Variants in MYH11 observed in about 807,000 individuals in gnomAD.
MYH11 encodes the protein myosin heavy chain 11.
A neutral mutation model predicts 246.6 loss-of-function variants in MYH11; 80 were observed. The ratio of observed to expected loss-of-function variants is 0.32; its 90% CI spans 0.27 to 0.39. The LOEUF is 0.39. MYH11 is among the 10% of genes least tolerant of loss of function. The pLI is 1.00. For synonymous variants in MYH11, 1,071 were observed against 1,015.5 expected (o/e 1.05, Z -1.04); for missense variants, 2,158 against 2,546.8 (o/e 0.85, Z 3.29).
chr16:15,824,361 T>A (rs180712996), intron 2 of MYH11, among the ~76,000 whole-genome samples: 5 of 152,174 alleles, frequency 3.3e-5, no homozygotes, highest in Non-Finnish European at 7.4e-5. Flanking sequence ...CACTACAACC[T>A]TGAGTTTCTG....
At chr16:15,736,199 C>T (rs770500404) in intron 25 of MYH11, among the ~76,000 whole-genome samples, 2 of 152,184 alleles carry the variant, frequency 1.3e-5, no homozygotes, top group African/African-American at 2.4e-5. Flanking sequence ...GGTGAGACTG[C>T]AGAGGGTGGA....
At chr16:15,765,851 A>C (rs946356676) in intron 9 of MYH11, among the ~76,000 whole-genome samples, 6 of 152,228 alleles carry the variant, frequency 3.9e-5, no homozygotes, top group African/African-American at 7.2e-5. Context: ...TTTGTAAACT[A>C]TGAAGAGTTG....
At chr16:15,796,639 A>C (rs576851781) in intron 4 of MYH11, among the ~76,000 whole-genome samples, 1 of 152,298 alleles carries the variant, frequency 6.6e-6, no homozygotes, top group Non-Finnish European at 1.5e-5. Flanking sequence ...TCCATGGCCT[A>C]TCCTCAGAAT....
chr16:15,754,728 G>C (rs561422019), intron 14 of MYH11, among the ~76,000 whole-genome samples: 178 of 152,300 alleles, frequency 1.2e-3, no homozygotes, highest in African/African-American at 4.2e-3. Context: ...CAGTGGTGCA[G>C]TCTCAGCTCA....
intron 4 of MYH11, chr16:15,792,693 C>T (rs556135130): frequency 6.6e-6 from 1 of 152,278 alleles, no homozygotes; most frequent in Non-Finnish European, 1.5e-5. Flanking sequence ...GCTTGAGTCC[C>T]TTAGCACGTT....
intron 31 of MYH11, among the ~76,000 whole-genome samples, chr16:15,721,864 G>T (rs993869088): frequency 3.3e-5 from 5 of 151,984 alleles, no homozygotes; most frequent in Non-Finnish European, 7.4e-5. Context: ...TGGTTTGTGT[G>T]TTTGTTTGTT....
chr16:15,763,741 T>TCGGGGGC, intron 10 of MYH11, 55 bp downstream of exon 10: 5 of 646,856 alleles, frequency 7.7e-6, no homozygotes, highest in Admixed American at 2.1e-5. Flanking sequence ...AAATGTCACC[T>TCGGGGGC]CCCCCACCCC....
At position 15,720,372 on chromosome 16, in the gene MYH11, C is replaced by A. The variant is rs1355235909; in HGVS notation, c.4792-60G>T. 2.6e-6 allele frequency: 4 copies of A among 1,568,440 alleles called. No individual in the cohort carries two copies. In the African/African-American group the frequency reaches 5.4e-5, roughly 21 times the overall value. On this transcript the variant is annotated intron_variant, in intron 33 of 40. Coordinates refer to ENST00000300036, the MANE Select transcript of MYH11 (RefSeq NM_002474.3). ...TGCCCCTGGGAGGTCCTTTGGCTCA[C>A]CTAGGCAGCACATCACTGCACCCCT...
At chr16:15,803,738 T>C (rs2042943227) in intron 3 of MYH11, among the ~76,000 whole-genome samples, 2 of 152,126 alleles carry the variant, frequency 1.3e-5, no homozygotes, top group African/African-American at 2.4e-5. Context: ...CCTGGCAGCC[T>C]TGTGAATCCT....
At chr16:15,797,091 G>A (rs2042757854) in intron 4 of MYH11, among the ~76,000 whole-genome samples, 1 of 152,150 alleles carries the variant, frequency 6.6e-6, no homozygotes, top group African/African-American at 2.4e-5. Flanking sequence ...TTAGTCCAAT[G>A]TGATTACTTC....
At chr16:15,788,024 G>T (rs1006832657) in intron 4 of MYH11, among the ~76,000 whole-genome samples, 35 of 144,548 alleles carry the variant, frequency 2.4e-4, no homozygotes, top group Admixed American at 8.0e-4. Flanking sequence ...AGATCAGCAC[G>T]ACATGGTTTG....
intron 7 of MYH11, among the ~76,000 whole-genome samples, chr16:15,776,712 T>C (rs563331891): frequency 2.0e-5 from 3 of 152,356 alleles, no homozygotes; most frequent in African/African-American, 7.2e-5. Flanking sequence ...GGCAAAGCTG[T>C]CTTCCATGCC....
At chr16:15,771,897 G>A (rs569352308) in intron 8 of MYH11, among the ~76,000 whole-genome samples, 185 bp from the exon 9 acceptor site, 19 of 152,024 alleles carry the variant, frequency 1.2e-4, no homozygotes, top group African/African-American at 3.4e-4. Flanking sequence ...CTTACACAGC[G>A]GTGCAGGTTG....
At chr16:15,748,943 T>G in intron 16 of MYH11, among the ~76,000 whole-genome samples, 1 of 151,886 alleles carries the variant, frequency 6.6e-6, no homozygotes, top group East Asian at 1.9e-4. Flanking sequence ...TCCTAAAATG[T>G]AAATCTGACC....
intron 31 of MYH11, among the ~76,000 whole-genome samples, chr16:15,722,992 C>G (rs951438025): frequency 6.6e-6 from 1 of 152,176 alleles, no homozygotes; most frequent in African/African-American, 2.4e-5. Flanking sequence ...GATCCACCTG[C>G]CTCAGCCTCC....
intron 10 of MYH11, 36 bp downstream of exon 10, chr16:15,763,760 C>CCCCAAAAA: frequency 4.2e-6 from 5 of 1,192,058 alleles, no homozygotes; most frequent in Non-Finnish European, 6.3e-6. Context: ...CCCCCAACCC[C>CCCCAAAAA]AAAGTCATTG....
At position 15,724,635 on chromosome 16, in the gene MYH11, CG is replaced by C. The variant is rs543763112; in HGVS notation, c.4116+11del. Reference sequence around the variant, plus strand: ...AGGACCCATGAAGGAAGCAAGGACACGGGGCAGGCACCTGGATGTTGAGAGT... The same window carrying C: ...AGGACCCATGAAGGAAGCAAGGACACGGGCAGGCACCTGGATGTTGAGAGT... On this transcript the variant is annotated intron_variant, in intron 30 of 40. Coordinates refer to ENST00000300036, the MANE Select transcript of MYH11 (RefSeq NM_002474.3). The C allele has an allele frequency of 1.1e-3, 1,738 of 1,613,748 alleles. 1 individual carries two copies. Among genetic ancestry groups the C allele is most frequent in the Non-Finnish European group, 1.4e-3 (1,632 of 1,180,020 alleles).
chr16:15,808,155 G>C (rs893195011), intron 3 of MYH11, among the ~76,000 whole-genome samples: 1 of 152,200 alleles, frequency 6.6e-6, no homozygotes, highest in Non-Finnish European at 1.5e-5. Context: ...CTAATGCCCC[G>C]CACGGAGGCA....
intron 5 of MYH11, chr16:15,785,271 T>C (rs954756664): frequency 3.9e-5 from 6 of 152,406 alleles, no homozygotes; most frequent in African/African-American, 9.7e-5. Context: ...TGTTTACGCA[T>C]GCAGCCAAAA....
Sources: allele counts gnomAD v4.1 joint callset (sites outside exome capture counted in the v4.1 genomes callset), GRCh38; gene constraint gnomAD v4.1.1; transcripts MANE v1.5; gene names NCBI Gene and HGNC (gene_info 2026-07-23, HGNC 2026-07-21).